The following DAB1 variants were observed in gnomAD, a reference collection of about 807,000 sequenced individuals.
DAB1 encodes disabled homolog 1.
A neutral mutation model predicts 64.6 loss-of-function variants in DAB1; 15 were observed. The ratio of observed to expected loss-of-function variants is 0.23; its 90% CI spans 0.16 to 0.36. The LOEUF (loss-of-function observed/expected upper bound fraction) is 0.36, where lower values mean the gene tolerates loss of function less well. DAB1 is among the 10% of genes least tolerant of loss of function. DAB1 has a pLI of 1.00. For missense variants in DAB1, 596 were observed against 706.7 expected (o/e 0.84, Z 1.78); for synonymous variants, 235 against 251.9 (o/e 0.93, Z 0.64).
intron 4 of DAB1, among the ~76,000 whole-genome samples, chr1:57,106,263 C>CT (rs1557730837): frequency 6.6e-6 from 1 of 151,372 alleles, no homozygotes; most frequent in Admixed American, 6.6e-5. Context: ...TAACACCCCC[C>CT]CCCATCAGTA....
chr1:57,964,789 T>C (rs1645613209), intron 5 of DAB1, among the ~76,000 whole-genome samples: 4 of 151,952 alleles, frequency 2.6e-5, no homozygotes, highest in African/African-American at 9.7e-5. Context: ...AGCAGAAATA[T>C]AAAATCTATT....
At chr1:57,920,416 A>G (rs1644791344) in intron 5 of DAB1, among the ~76,000 whole-genome samples, 1 of 152,078 alleles carries the variant, frequency 6.6e-6, no homozygotes, top group South Asian at 2.1e-4. Flanking sequence ...GGGTCCAAAC[A>G]AACCTCCTGT....
intron 7 of DAB1, among the ~76,000 whole-genome samples, chr1:57,599,797 A>G (rs1162804470): frequency 6.6e-6 from 1 of 152,110 alleles, no homozygotes; most frequent in African/African-American, 2.4e-5. Flanking sequence ...CGGTGCCTGT[A>G]GCCCTTTGTA....
chr1:57,458,201 A>T (rs1686667313), intron 7 of DAB1, among the ~76,000 whole-genome samples: 1 of 152,122 alleles, frequency 6.6e-6, no homozygotes, highest in African/African-American at 2.4e-5. Context: ...TTTTTTCCTC[A>T]ATGTGTCATG....
At chr1:57,695,396 GAAAGAAAGAAAGAAAGA>G (rs1557427948) in intron 6 of DAB1, among the ~76,000 whole-genome samples, 46 of 83,862 alleles carry the variant, frequency 5.5e-4, no homozygotes, top group African/African-American at 1.8e-3. Context: ...AAGAAAGAAA[GAAAGAAAGAAAGAAAGA>G]AAGAAAGAAA....
chr1:57,378,446 T>C (rs1681086456), intron 1 of DAB1, among the ~76,000 whole-genome samples: 1 of 152,234 alleles, frequency 6.6e-6, no homozygotes, highest in Non-Finnish European at 1.5e-5. Flanking sequence ...AATCTTTTTC[T>C]TAATTACGAA....
chr1:58,105,607 T>C (rs1213770), intron 5 of DAB1, among the ~76,000 whole-genome samples: 39,601 of 152,026 alleles, frequency 0.26, 6,195 homozygotes, highest in East Asian at 0.49. Flanking sequence ...TTATGAAATG[T>C]CGATGATGAT....
intron 4 of DAB1, among the ~76,000 whole-genome samples, chr1:58,311,538 G>C (rs1439059407): frequency 1.3e-5 from 2 of 152,112 alleles, no homozygotes; most frequent in Non-Finnish European, 2.9e-5. Flanking sequence ...GAGCATGATG[G>C]GGATATAGGG....
chr1:57,172,308 C>T (rs1237236942), intron 2 of DAB1, among the ~76,000 whole-genome samples: 1 of 152,110 alleles, frequency 6.6e-6, no homozygotes, highest in Non-Finnish European at 1.5e-5. Context: ...GGGGGTAGCA[C>T]AATGCAACCC....
At chr1:57,896,256 G>A (rs1461273616) in intron 5 of DAB1, among the ~76,000 whole-genome samples, 1 of 152,120 alleles carries the variant, frequency 6.6e-6, no homozygotes, top group Non-Finnish European at 1.5e-5. Flanking sequence ...CATCACAAGG[G>A]AGGGGAAGAA....
At chr1:57,478,454 T>C (rs1271570904) in intron 7 of DAB1, among the ~76,000 whole-genome samples, 2 of 152,116 alleles carry the variant, frequency 1.3e-5, no homozygotes, top group East Asian at 1.9e-4. Context: ...TTTTAGCAAA[T>C]GGGGATTTAT....
At chr1:57,568,132 A>G (rs941656652) in intron 7 of DAB1, among the ~76,000 whole-genome samples, 2 of 152,182 alleles carry the variant, frequency 1.3e-5, no homozygotes, top group African/African-American at 2.4e-5. Flanking sequence ...CACATCTACA[A>G]CTATCTGATC....
intron 5 of DAB1, among the ~76,000 whole-genome samples, chr1:57,965,036 G>A (rs1245738994): frequency 6.6e-6 from 1 of 152,186 alleles, no homozygotes; most frequent in East Asian, 1.9e-4. Context: ...AATGTATGAA[G>A]AATGGATGGA....
In DAB1 at chr1:58,319,958, G is replaced by A. The variant is rs541804911; in HGVS notation, n.309+23394C>T. ...GGTGAAGATGTGTATAATAGAGAGC[G>A]GGTCACAGAAGACAGGTTTCCATGG... On this transcript the variant is annotated intron_variant and non_coding_transcript_variant, in intron 4 of 20. Transcript: ENST00000485760. Among the ~76,000 whole-genome samples, 21 of 152,290 alleles carry A rather than the reference G, an allele frequency of 1.4e-4. 1 individual carries two copies. The highest frequency in any genetic ancestry group is 3.6e-4 in the African/African-American group (15 of 41,574).
chr1:58,225,533 T>G (rs543582582), intron 4 of DAB1, among the ~76,000 whole-genome samples: 16 of 152,034 alleles, frequency 1.1e-4, no homozygotes, highest in African/African-American at 3.9e-4. Flanking sequence ...TGCGGCACTA[T>G]TCACAATAGC....
intron 7 of DAB1, among the ~76,000 whole-genome samples, chr1:57,597,863 T>C (rs998868781): frequency 6.6e-6 from 1 of 152,282 alleles, no homozygotes; most frequent in African/African-American, 2.4e-5. Flanking sequence ...GAATGGCACA[T>C]CTTAAACTTT....
In DAB1 at chr1:58,510,946, TA is replaced by T. The variant is rs1052119399; in HGVS notation, n.108-4738del. ...AAAGCCTTCTACACTAAAAAGTATC[TA>T]AAAAAAAACTGATGAAAGAAATTAA... is the stretch of plus-strand genomic sequence containing the variant. On this transcript the variant is annotated intron_variant and non_coding_transcript_variant, in intron 2 of 20. Transcript: ENST00000485760. Among the ~76,000 whole-genome samples the T allele has an allele frequency of 9.3e-5, 14 of 151,000 alleles. No individual in the cohort carries two copies. The East Asian group carries it at 2.5e-3, about 27-fold the overall frequency.
intron 4 of DAB1, among the ~76,000 whole-genome samples, chr1:58,167,896 A>C (rs893221072): frequency 6.6e-6 from 1 of 152,180 alleles, no homozygotes; most frequent in Non-Finnish European, 1.5e-5. Flanking sequence ...CTCTGGACAC[A>C]CCAACTTTAA....
At chr1:57,283,676 T>C (rs1156717450) in intron 2 of DAB1, among the ~76,000 whole-genome samples, 1 of 152,222 alleles carries the variant, frequency 6.6e-6, no homozygotes, top group African/African-American at 2.4e-5. Context: ...TTCTAAAACA[T>C]GGGCTCTTTT....
Sources: gnomAD v4.1 joint callset for allele counts (sites outside exome capture counted in the v4.1 genomes callset) on GRCh38, gnomAD v4.1.1 for gene constraint, MANE v1.5 for transcripts, NCBI Gene and HGNC (gene_info 2026-07-23, HGNC 2026-07-21) for gene names.